SCARA5: variants seen among roughly 807,000 people sequenced by gnomAD.
SCARA5 encodes the protein scavenger receptor class A member 5.
In SCARA5, 45 loss-of-function variants were observed where a neutral mutation model predicts 46.3. That is an observed-to-expected ratio of 0.97 (90% CI 0.76 to 1.24). The LOEUF (loss-of-function observed/expected upper bound fraction) is 1.24. SCARA5 is among the 50% of genes most tolerant of loss of function. The pLI is 0.00. For missense variants in SCARA5, 680 were observed against 689.0 expected, an observed-to-expected ratio of 0.99 and a Z score of 0.15; for synonymous variants, 333 against 306.5, an observed-to-expected ratio of 1.09 and a Z score of -0.90.
intron 7 of SCARA5, among the ~76,000 whole-genome samples, chr8:27,891,650 T>G (rs932963369): frequency 7.2e-5 from 11 of 152,226 alleles, no homozygotes; most frequent in Admixed American, 1.3e-4. Context: ...CTGTCCCCCG[T>G]GGGATGCAGA....
At chr8:27,968,015 A>C (rs1336434264) in intron 2 of SCARA5, among the ~76,000 whole-genome samples, 1 of 152,156 alleles carries the variant, frequency 6.6e-6, no homozygotes, top group Non-Finnish European at 1.5e-5. Context: ...TTTAGAAAAC[A>C]TCCTGAAGGA....
chr8:27,887,267 G>A (rs555201099), intron 7 of SCARA5, among the ~76,000 whole-genome samples: 4 of 152,224 alleles, frequency 2.6e-5, no homozygotes, highest in Admixed American at 2.0e-4. Context: ...TCAGCAACCC[G>A]GAAGAAAACC....
intron 4 of SCARA5, among the ~76,000 whole-genome samples, chr8:27,919,168 G>C (rs994409582): frequency 3.2e-5 from 4 of 126,016 alleles, no homozygotes; most frequent in Non-Finnish European, 3.4e-5. Flanking sequence ...GGAAGAAGGG[G>C]ATGGGAAGAG....
chr8:27,884,360 A>G (rs887119476), intron 7 of SCARA5, among the ~76,000 whole-genome samples: 1 of 152,232 alleles, frequency 6.6e-6, no homozygotes, highest in African/African-American at 2.4e-5. Flanking sequence ...CCCCGGGAGC[A>G]GTAAGGACAG....
In SCARA5 at chr8:27,879,746, T is replaced by C. The variant is rs1806781983; in HGVS notation, c.1174A>G (p.Met392Val). Residue 392 changes from methionine (M) to valine (V), a missense_variant, in exon 8 of 9, where the codon ATG becomes GTG. Met to Val is a conservative substitution (Grantham distance 21, BLOSUM62 1). Coordinates refer to ENST00000354914, the MANE Select transcript of SCARA5 (RefSeq NM_173833.6). ...GDASGVEAPM[M>V]IRLVNGSGPH... The stretch of plus-strand genomic sequence containing the variant: ...CCTGAGCCATTCACCAGGCGGATCA[T>C]CATCGGGGCCTCCACGCCACCTGCC... The C allele has an allele frequency of 1.2e-6, 2 of 1,612,852 alleles. No individual in the cohort carries two copies. The highest frequency in any genetic ancestry group is 1.7e-6 in the Non-Finnish European group (2 of 1,180,008).
intron 7 of SCARA5, among the ~76,000 whole-genome samples, chr8:27,892,762 C>T (rs2012469): frequency 5.9e-5 from 9 of 152,066 alleles, no homozygotes; most frequent in South Asian, 2.1e-4. Flanking sequence ...CCCGCCACCA[C>T]GACCGGCTAA....
intron 7 of SCARA5, among the ~76,000 whole-genome samples, chr8:27,901,378 G>A (rs992100803): frequency 6.6e-6 from 1 of 152,152 alleles, no homozygotes; most frequent in African/African-American, 2.4e-5. Flanking sequence ...CACGATGTTG[G>A]CTTGTGGAGG....
chr8:27,909,054 G>C (rs1807321222), intron 5 of SCARA5: 1 of 152,184 alleles, frequency 6.6e-6, no homozygotes, highest in Admixed American at 6.5e-5. Flanking sequence ...AGACTGGCAG[G>C]CAAGGTACAA....
Position 27,891,535 on chromosome 8 carries a change from C to T in SCARA5, c.1154-11769G>A, listed in dbSNP as rs563096928. On this transcript the variant is annotated intron_variant, in intron 7 of 8. Transcript: ENST00000354914. ...TATAGTTTCTAATAGCTCAAGATTC[C>T]GCTCCTAGGATGATCTGGACCCCCT... Among the ~76,000 whole-genome samples, 57 of 152,216 alleles carry T rather than the reference C, an allele frequency of 3.7e-4. 2 individuals are homozygous for T. The highest frequency in any genetic ancestry group is 2.7e-3 in the South Asian group (13 of 4,818).
intron 4 of SCARA5, among the ~76,000 whole-genome samples, chr8:27,912,403 C>T (rs147423370): frequency 2.0e-5 from 3 of 152,294 alleles, no homozygotes; most frequent in African/African-American, 7.2e-5. Context: ...GTCAACAATT[C>T]TTCAATTCAC....
At position 27,913,989 on chromosome 8, in the gene SCARA5, A is replaced by C. The variant is rs577535964; in HGVS notation, c.917-4246T>G. Among the ~76,000 whole-genome samples, 114 of 152,154 alleles carry C rather than the reference A, an allele frequency of 7.5e-4. 2 individuals carry two copies. The highest frequency in any genetic ancestry group is 2.5e-3 in the African/African-American group (102 of 41,524). ...ACTGATTTGGTTTGGCTGTGTCCCC[A>C]CCCAAATCTCATCTTGAACTGTAGC... On this transcript the variant is annotated intron_variant, in intron 4 of 8. Transcript: ENST00000354914.
chr8:27,871,793 C>A lies in SCARA5; in HGVS notation c.*141G>T. On this transcript the variant is annotated 3_prime_UTR_variant, in exon 9 of 9. Transcript: ENST00000354914. ...GGAAATGACGACCGGCCCCCACGGT[C>A]CTGGGATGCAGGTGTGAGGACTGAG... The A allele has an allele frequency of 6.6e-7, 1 of 1,518,100 alleles. No homozygotes were observed. The highest frequency in any genetic ancestry group is 8.8e-7 in the Non-Finnish European group (1 of 1,134,340). 94.0% of individuals were successfully genotyped at this position (1,518,100 alleles called of 1,614,324 possible). A position where few individuals can be genotyped will look rare whatever the true frequency, so the allele number is the denominator to read the frequency against.
intron 3 of SCARA5, among the ~76,000 whole-genome samples, chr8:27,961,721 A>G (rs1370155079): frequency 1.3e-5 from 2 of 152,132 alleles, no homozygotes; most frequent in African/African-American, 2.4e-5. Flanking sequence ...CTGTCTCAAT[A>G]TTCTTCTTAA....
chr8:27,946,691 AGTGGATTATG>A (rs1215700597), intron 3 of SCARA5, among the ~76,000 whole-genome samples: 1 of 152,216 alleles, frequency 6.6e-6, no homozygotes, highest in Non-Finnish European at 1.5e-5. Flanking sequence ...CCCCAGGCAC[AGTGGATTATG>A]GGTCATTGTA....
chr8:27,901,381 T>G (rs1306282952), intron 7 of SCARA5, among the ~76,000 whole-genome samples: 1 of 152,148 alleles, frequency 6.6e-6, no homozygotes, highest in Non-Finnish European at 1.5e-5. Flanking sequence ...GATGTTGGCT[T>G]GTGGAGGAGG....
At chr8:27,894,772 C>T (rs775212024) in intron 7 of SCARA5, among the ~76,000 whole-genome samples, 149 of 152,190 alleles carry the variant, frequency 9.8e-4, no homozygotes, top group Non-Finnish European at 1.9e-3. Context: ...CTCTGCACTC[C>T]CCATGGGAAG....
At chr8:27,950,085 G>A (rs1430163419) in intron 3 of SCARA5, among the ~76,000 whole-genome samples, 1 of 152,122 alleles carries the variant, frequency 6.6e-6, no homozygotes, top group Non-Finnish European at 1.5e-5. Context: ...GGAAACGCTG[G>A]GGGAATGCCA....
chr8:27,903,903 C>T (rs567683745), intron 7 of SCARA5, among the ~76,000 whole-genome samples: 59 of 152,276 alleles, frequency 3.9e-4, no homozygotes, highest in African/African-American at 1.4e-3. Context: ...TGCTTGCGCC[C>T]TCACGTGGGA....
At chr8:27,901,193 C>T (rs967688293) in intron 7 of SCARA5, among the ~76,000 whole-genome samples, 5 of 152,190 alleles carry the variant, frequency 3.3e-5, no homozygotes, top group Non-Finnish European at 4.4e-5. Context: ...CCAACTTCCA[C>T]GTCCCTAGTG....
Sources: gnomAD v4.1 joint callset for allele counts (sites outside exome capture counted in the v4.1 genomes callset) on GRCh38, gnomAD v4.1.1 for gene constraint, MANE v1.5 for transcripts, NCBI Gene and HGNC (gene_info 2026-07-23, HGNC 2026-07-21) for gene names.